The following MDFI variants were observed in gnomAD, a reference collection of about 807,000 sequenced individuals.
MDFI encodes the protein MyoD family inhibitor.
MDFI carries 16 observed loss-of-function variants against 22.3 expected under a neutral mutation model. The observed-to-expected ratio is 0.72, with a 90% CI of 0.49 to 1.09. The LOEUF is 1.09. Among genes scored for constraint, MDFI ranks in the 50% least tolerant of loss-of-function variants. MDFI has a pLI of 0.00. For missense variants in MDFI, 314 were observed against 326.1 expected, an observed-to-expected ratio of 0.96 and a Z score of 0.29; for synonymous variants, 145 against 142.7, an observed-to-expected ratio of 1.02 and a Z score of -0.12.
intron 4 of MDFI, among the ~76,000 whole-genome samples, chr6:41,652,070 GGAA>G (rs374363720): frequency 8.5e-5 from 13 of 152,332 alleles, no homozygotes; most frequent in East Asian, 5.8e-4. Context: ...GTCCTCTGAG[GGAA>G]GAAGAAGGCA....
At chr6:41,639,878 C>T in intron 2 of MDFI, 1 of 985,408 alleles carries the variant, frequency 1.0e-6, no homozygotes, top group Non-Finnish European at 1.2e-6. Flanking sequence ...AGCCGGCCTG[C>T]CTGCCTGTTC....
chr6:41,652,403 A>G (rs1243054711), intron 4 of MDFI, among the ~76,000 whole-genome samples: 2 of 152,154 alleles, frequency 1.3e-5, no homozygotes, highest in Non-Finnish European at 2.9e-5. Context: ...ATCACAAGCG[A>G]CATGTGAACC....
At chr6:41,639,745 C>G (rs1767779264) in intron 2 of MDFI, 1 of 985,438 alleles carries the variant, frequency 1.0e-6, no homozygotes, top group Non-Finnish European at 1.2e-6. Context: ...GCGCCATTCC[C>G]CCTTTCCCCT....
intron 4 of MDFI, among the ~76,000 whole-genome samples, chr6:41,650,353 G>A (rs1454334144): frequency 6.6e-6 from 1 of 152,148 alleles, no homozygotes; most frequent in East Asian, 1.9e-4. Flanking sequence ...TCCTCTGCAG[G>A]GCCACAGGGG....
chr6:41,641,692 G>A (rs1041028671), intron 2 of MDFI, among the ~76,000 whole-genome samples: 1 of 152,154 alleles, frequency 6.6e-6, no homozygotes, highest in East Asian at 1.9e-4. Flanking sequence ...CCAGATCCAC[G>A]GTCCACAAAG....
In MDFI at chr6:41,653,822, A is replaced by T; in HGVS notation, c.*247A>T. 2 of 471,950 alleles carry T rather than the reference A, an allele frequency of 4.2e-6. No homozygotes were observed. The highest frequency in any genetic ancestry group is 7.9e-6 in the Non-Finnish European group (2 of 254,754). The allele number at this position is 471,950 out of a possible 1,614,324, so 29.2% of individuals were successfully genotyped here. On this transcript the variant is annotated 3_prime_UTR_variant, in exon 5 of 5. Coordinates refer to ENST00000230321, the MANE Select transcript of MDFI (RefSeq NM_005586.4). This position sits in a 1 kb window ranked among gnomAD's most constrained non-coding sequence, Gnocchi z 4.2. ...AGCCTGAACTCTTTACTGGGTTACC[A>T]GGTTCATACATTGCTGAGGACCTGA...
chr6:41,639,464 C>T, intron 2 of MDFI: 1 of 985,452 alleles, frequency 1.0e-6, no homozygotes, highest in South Asian at 4.7e-5. Context: ...CTGTAACCTA[C>T]CCGCGATTCC....
chr6:41,652,924 T>C (rs1002883854), intron 4 of MDFI, among the ~76,000 whole-genome samples: 1 of 152,148 alleles, frequency 6.6e-6, no homozygotes, highest in Non-Finnish European at 1.5e-5. Flanking sequence ...GGCCGACTTC[T>C]CTTAACCTCA....
upstream of MDFI, among the ~76,000 whole-genome samples, chr6:41,637,979 G>A (rs545133858): frequency 9.2e-5 from 14 of 152,194 alleles, no homozygotes; most frequent in Admixed American, 2.6e-4. The surrounding 1 kb of genome is among the most constrained non-coding windows in gnomAD (Gnocchi z 6.8). Context: ...CCAGATCCCT[G>A]TCCCTGGCTT....
chr6:41,648,106 T>G (rs148054149), intron 3 of MDFI, among the ~76,000 whole-genome samples: 112 of 149,246 alleles, frequency 7.5e-4, no homozygotes, highest in Middle Eastern at 3.5e-3. Context: ...CTGTGCCTGG[T>G]ACATAACACC....
chr6:41,651,312 T>C (rs2842658), intron 4 of MDFI, among the ~76,000 whole-genome samples: 123,477 of 148,860 alleles, frequency 0.83, 52,932 homozygotes, highest in Middle Eastern at 0.93. Flanking sequence ...GATAAACTCA[T>C]GCAGAGGATT....
chr6:41,638,529 G>C lies in MDFI; in HGVS notation c.-135G>C. ...ATGGGAGAAAGCAGCGAGTGAGAGG[G>C]GAAGGGGCGCCAGGCGAGCACCCGG... On this transcript the variant is annotated 5_prime_UTR_variant, in exon 1 of 5. Coordinates refer to ENST00000230321, the MANE Select transcript of MDFI (RefSeq NM_005586.4). The surrounding 1 kb of genome is among the most constrained non-coding windows in gnomAD (Gnocchi z 7.6). 3.7e-6 allele frequency: 2 copies of C among 541,560 alleles called. No individual in the cohort carries two copies. The highest frequency in any genetic ancestry group is 3.2e-6 in the Non-Finnish European group (1 of 310,616). The allele number at this position is 541,560 out of a possible 1,614,324, so 33.5% of individuals were successfully genotyped here. A position where few individuals can be genotyped will look rare whatever the true frequency, so the allele number is the denominator to read the frequency against.
At chr6:41,642,967 T>C (rs918621122) in intron 2 of MDFI, among the ~76,000 whole-genome samples, 1 of 152,024 alleles carries the variant, frequency 6.6e-6, no homozygotes, top group Non-Finnish European at 1.5e-5. Flanking sequence ...CTTGCCTTCC[T>C]CCCTCTCTAA....
chr6:41,646,229 C>A lies in MDFI; in HGVS notation c.180C>A (p.Pro60=), dbSNP rs757602691. 3.1e-6 allele frequency: 5 copies of A among 1,593,084 alleles called. No homozygotes were observed. ...GCTCCCTGGAGGAGGCGGCAACCCC[C>A]ATGCCCCAAGGCAATGGCCCTGGCA... ...EEGSLEEAAT[P]MPQGNGPGIP... The change falls in exon 3 of 5, where the codon CCC becomes CCA. Residue 60 remains proline (P), a synonymous_variant. Coordinates refer to ENST00000230321, the MANE Select transcript of MDFI (RefSeq NM_005586.4).
At chr6:41,648,838 TGG>T (rs1157801829) in intron 3 of MDFI, among the ~76,000 whole-genome samples, 1 of 152,102 alleles carries the variant, frequency 6.6e-6, no homozygotes, top group Non-Finnish European at 1.5e-5. Flanking sequence ...ATTCGGGGTT[TGG>T]GGGGTCTCCA....
At chr6:41,642,411 C>G (rs1018788546) in intron 2 of MDFI, among the ~76,000 whole-genome samples, 1 of 152,210 alleles carries the variant, frequency 6.6e-6, no homozygotes, top group Non-Finnish European at 1.5e-5. Flanking sequence ...GAGATGTTCT[C>G]CCCTCTGTGG....
intron 3 of MDFI, among the ~76,000 whole-genome samples, chr6:41,648,177 AGCCTCTGCCCCCATGCTG>A (rs1038726050): frequency 6.6e-6 from 1 of 151,718 alleles, no homozygotes; most frequent in African/African-American, 2.4e-5. Context: ...CTTGTCTCCC[AGCCTCTGCCCCCATGCTG>A]GCCTCTGCCC....
Position 41,653,789 on chromosome 6 carries a change from G to A in MDFI, c.*214G>A. 1.6e-6 allele frequency: 1 copy of A among 625,960 alleles called. No individual in the cohort carries two copies. The highest frequency in any genetic ancestry group is 2.0e-5 in the South Asian group (1 of 50,906). 38.8% of individuals were successfully genotyped at this position (625,960 alleles called of 1,614,324 possible). A position where few individuals can be genotyped will look rare whatever the true frequency, so the allele number is the denominator to read the frequency against. On this transcript the variant is annotated 3_prime_UTR_variant, in exon 5 of 5. Transcript: ENST00000230321. This position sits in a 1 kb window ranked among gnomAD's most constrained non-coding sequence, Gnocchi z 4.2. The stretch of plus-strand genomic sequence containing the variant: ...CCTCAGCCGTGGGTGGTGGGCCCAT[G>A]GCAGAGAAGCCTGAACTCTTTACTG...
rs1336225714 is a variant in MDFI, at chr6:41,638,776, C to T, written c.27C>T (p.Pro9=). The stretch of plus-strand genomic sequence containing the variant: ...TGTACCAGGTGAGCGGCCAGCGCCC[C>T]TCTGGCTGCGACGCGCCCTATGGAG... MYQVSGQR[P]SGCDAPYGAP... Residue 9 remains proline, a synonymous_variant, in exon 2 of 5, where the codon CCC becomes CCT. Coordinates refer to ENST00000230321, the MANE Select transcript of MDFI (RefSeq NM_005586.4). The surrounding 1 kb of genome is among the most constrained non-coding windows in gnomAD (Gnocchi z 7.6). 1 of 1,571,654 alleles carries T rather than the reference C, an allele frequency of 6.4e-7. No individual in the cohort carries two copies. Among genetic ancestry groups the T allele is most frequent in the South Asian group, 1.2e-5 (1 of 86,162 alleles).
Sources: allele counts gnomAD v4.1 joint callset (sites outside exome capture counted in the v4.1 genomes callset), GRCh38; gene constraint gnomAD v4.1.1; non-coding constraint Gnocchi (gnomAD v3.1); transcripts MANE v1.5; gene names NCBI Gene and HGNC (gene_info 2026-07-23, HGNC 2026-07-21).